The following GPC5 variants were observed in gnomAD, a reference collection of about 807,000 sequenced individuals.
The protein encoded by GPC5 is glypican 5, also known as glypican-5.
In GPC5, 47 loss-of-function variants were observed where a neutral mutation model predicts 53.9. The observed-to-expected ratio is 0.87, with a 90% CI of 0.69 to 1.11. GPC5 has a LOEUF of 1.11. Ranked by LOEUF, GPC5 falls within the 50% of genes most tolerant of loss-of-function variation. The probability of loss-of-function intolerance (pLI) is 0.00; values close to 1 mark genes in which losing one functional copy is unlikely to be tolerated. For missense variants in GPC5, 748 were observed against 713.1 expected, an observed-to-expected ratio of 1.05 and a Z score of -0.56; for synonymous variants, 286 against 263.3, an observed-to-expected ratio of 1.09 and a Z score of -0.84.
At chr13:92,586,210 G>A (rs1163687501) in intron 7 of GPC5, among the ~76,000 whole-genome samples, 1 of 152,194 alleles carries the variant, frequency 6.6e-6, no homozygotes, top group Non-Finnish European at 1.5e-5. Context: ...AAAACATTAT[G>A]GTTAGAGAAA....
At chr13:92,763,750 G>A (rs1376059285) in intron 7 of GPC5, among the ~76,000 whole-genome samples, 5 of 152,104 alleles carry the variant, frequency 3.3e-5, no homozygotes, top group African/African-American at 9.7e-5. Context: ...TAGAGTAGGG[G>A]CCCAAAAAAT....
chr13:92,248,080 A>T (rs2139124849), intron 7 of GPC5, among the ~76,000 whole-genome samples: 1 of 152,200 alleles, frequency 6.6e-6, no homozygotes, highest in East Asian at 1.9e-4. Context: ...GGTAAGTCAT[A>T]TTTCAATGTG....
intron 7 of GPC5, among the ~76,000 whole-genome samples, chr13:92,281,994 C>T (rs1304301575): frequency 6.6e-6 from 1 of 152,082 alleles, no homozygotes; most frequent in African/African-American, 2.4e-5. Context: ...AGCTAAAAAC[C>T]TTGAAAAAAG....
intron 5 of GPC5, among the ~76,000 whole-genome samples, chr13:91,904,140 C>CT (rs57293387): frequency 0.49 from 46,389 of 94,498 alleles, 12,163 homozygotes; most frequent in East Asian, 0.89. Context: ...TCTTTTCTTT[C>CT]TTTTTTTTTT....
chr13:92,505,921 G>A (rs968825423), intron 7 of GPC5, among the ~76,000 whole-genome samples: 3 of 152,134 alleles, frequency 2.0e-5, no homozygotes, highest in Non-Finnish European at 4.4e-5. Context: ...AAACTTCAGT[G>A]ATGGAAAACA....
At chr13:92,388,614 G>A (rs903618530) in intron 7 of GPC5, among the ~76,000 whole-genome samples, 1 of 152,098 alleles carries the variant, frequency 6.6e-6, no homozygotes, top group Admixed American at 6.6e-5. Context: ...GAACCATGGA[G>A]TATATCCGTA....
chr13:92,014,480 A>G (rs1035662165), intron 6 of GPC5, among the ~76,000 whole-genome samples: 7 of 152,154 alleles, frequency 4.6e-5, no homozygotes, highest in African/African-American at 1.7e-4. Flanking sequence ...AGAAAAACAT[A>G]AGGGCAAGCT....
At chr13:92,260,015 C>T (rs557102551) in intron 7 of GPC5, among the ~76,000 whole-genome samples, 1 of 152,284 alleles carries the variant, frequency 6.6e-6, no homozygotes, top group Admixed American at 6.5e-5. Flanking sequence ...GGCAGCTTCC[C>T]TCTAATCTGC....
chr13:92,864,997 T>G (rs1425974740), intron 7 of GPC5, among the ~76,000 whole-genome samples: 1 of 152,174 alleles, frequency 6.6e-6, no homozygotes, highest in African/African-American at 2.4e-5. Context: ...TAATTGTGAC[T>G]GATAGTGGCA....
chr13:91,946,046 G>A (rs1296641932), intron 6 of GPC5, among the ~76,000 whole-genome samples: 1 of 151,918 alleles, frequency 6.6e-6, no homozygotes, highest in African/African-American at 2.4e-5. Context: ...TCTACTTCTG[G>A]GTTCATGTAT....
Position 91,871,748 on chromosome 13 carries a change from C to T in GPC5, c.1281-36189C>T, listed in dbSNP as rs182922383. The stretch of plus-strand genomic sequence containing the variant: ...GATTTTTCATCTCTGGAATGATTTG[C>T]TTTTGGAAATAACTTCGTTTTCCTT... On this transcript the variant is annotated intron_variant, in intron 5 of 7. Coordinates refer to ENST00000377067, the MANE Select transcript of GPC5 (RefSeq NM_004466.6). 6.0e-5 allele frequency among the ~76,000 whole-genome samples: 9 copies of T among 151,078 alleles called. No individual in the cohort carries two copies. In the East Asian group the frequency reaches 1.8e-3, roughly 30 times the overall value.
At chr13:92,332,353 C>T (rs1440535731) in intron 7 of GPC5, among the ~76,000 whole-genome samples, 1 of 152,086 alleles carries the variant, frequency 6.6e-6, no homozygotes, top group Non-Finnish European at 1.5e-5. Flanking sequence ...TTTTTACCTA[C>T]AAGTGGCTTT....
intron 2 of GPC5, among the ~76,000 whole-genome samples, chr13:91,571,897 A>G: frequency 1.6e-5 from 1 of 63,274 alleles, no homozygotes; most frequent in Non-Finnish European, 3.0e-5. Context: ...GTGTGTATAT[A>G]CACATATTGT....
chr13:92,284,306 G>C (rs2042937758), intron 7 of GPC5, among the ~76,000 whole-genome samples: 1 of 152,162 alleles, frequency 6.6e-6, no homozygotes, highest in African/African-American at 2.4e-5. Flanking sequence ...AGTTCTACTA[G>C]AGGTACAAGG....
At chr13:92,700,084 A>C (rs1252097740) in intron 7 of GPC5, among the ~76,000 whole-genome samples, 2 of 152,090 alleles carry the variant, frequency 1.3e-5, no homozygotes, top group African/African-American at 4.8e-5. Context: ...TAGGTTTCTA[A>C]GAACTTGCTT....
chr13:92,000,943 C>T (rs1435108761), intron 6 of GPC5, among the ~76,000 whole-genome samples: 1 of 152,156 alleles, frequency 6.6e-6, no homozygotes, highest in Non-Finnish European at 1.5e-5. Context: ...GAATAGGTAA[C>T]AGCCACACAG....
chr13:91,798,460 C>T (rs1397234864), intron 5 of GPC5, among the ~76,000 whole-genome samples: 1 of 152,146 alleles, frequency 6.6e-6, no homozygotes, highest in Non-Finnish European at 1.5e-5. Context: ...TGTGTTCCCC[C>T]ATTAGTTTGC....
chr13:91,999,375 TC>T (rs1288023375), intron 6 of GPC5, among the ~76,000 whole-genome samples: 2 of 152,164 alleles, frequency 1.3e-5, no homozygotes, highest in African/African-American at 4.8e-5. Flanking sequence ...AATTCCATTG[TC>T]AACTTCAACC....
chr13:92,642,219 T>C (rs1885618116), intron 7 of GPC5, among the ~76,000 whole-genome samples: 1 of 152,180 alleles, frequency 6.6e-6, no homozygotes, highest in African/African-American at 2.4e-5. Flanking sequence ...TGGTGATTTA[T>C]TGTTGAAGTA....
Sources: allele counts gnomAD v4.1 joint callset (sites outside exome capture counted in the v4.1 genomes callset), GRCh38; gene constraint gnomAD v4.1.1; transcripts MANE v1.5; gene names NCBI Gene and HGNC (gene_info 2026-07-23, HGNC 2026-07-21).